The following MBNL1 variants were observed in gnomAD, a reference collection of about 807,000 sequenced individuals.
MBNL1 encodes muscleblind like splicing regulator 1.
A neutral mutation model predicts 42.2 loss-of-function variants in MBNL1; 8 were observed. The ratio of observed to expected loss-of-function variants is 0.19; its 90% confidence interval spans 0.11 to 0.34. MBNL1 has a LOEUF of 0.34. MBNL1 is among the 10% of genes least tolerant of loss of function. MBNL1 has a pLI of 1.00. For synonymous variants in MBNL1, 169 were observed against 173.9 expected (o/e 0.97, Z 0.22); for missense variants, 309 against 495.3 (o/e 0.62, Z 3.57).
intron 2 of MBNL1, among the ~76,000 whole-genome samples, chr3:152,374,466 T>A (rs1051704948): frequency 1.3e-5 from 2 of 152,214 alleles, no homozygotes; most frequent in African/African-American, 4.8e-5. Flanking sequence ...TTCCCAGCTC[T>A]ATTATAAATC....
intron 2 of MBNL1, among the ~76,000 whole-genome samples, chr3:152,252,130 A>ACCTTCCTTCCTTCCTT (rs1284365010): frequency 2.8e-5 from 3 of 107,782 alleles, no homozygotes; most frequent in Non-Finnish European, 6.3e-5. Context: ...GAACAAACTA[A>ACCTTCCTTCCTTCCTT]CCTACCTTCC....
At chr3:152,300,440 C>A in intron 2 of MBNL1, 73 bp downstream of exon 2, 1 of 1,235,894 alleles carries the variant, frequency 8.1e-7, no homozygotes, top group Non-Finnish European at 1.2e-6. Context: ...CAGTTCTCTG[C>A]ATATGGGATT....
At chr3:152,336,697 A>T (rs1262375416) in intron 2 of MBNL1, among the ~76,000 whole-genome samples, 2 of 152,238 alleles carry the variant, frequency 1.3e-5, no homozygotes, top group African/African-American at 4.8e-5. Flanking sequence ...ATCAGACAGA[A>T]GTAAACCTTG....
intron 2 of MBNL1, among the ~76,000 whole-genome samples, chr3:152,404,446 G>A (rs746654105): frequency 9.9e-5 from 15 of 152,080 alleles, no homozygotes; most frequent in Admixed American, 2.0e-4. Flanking sequence ...TATCACTTTA[G>A]AGATACTTTA....
chr3:152,427,916 C>G (rs1214554268), intron 3 of MBNL1, among the ~76,000 whole-genome samples: 1 of 151,526 alleles, frequency 6.6e-6, no homozygotes, highest in Non-Finnish European at 1.5e-5. Context: ...TATACTCCCT[C>G]TATTTTTTTT....
chr3:152,419,409 G>C (rs944931847), intron 3 of MBNL1, among the ~76,000 whole-genome samples: 1 of 152,132 alleles, frequency 6.6e-6, no homozygotes, highest in Admixed American at 6.5e-5. Flanking sequence ...TAGACAGTTG[G>C]TGCAGCCCAC....
At chr3:152,426,328 T>C (rs972250802) in intron 3 of MBNL1, among the ~76,000 whole-genome samples, 1 of 152,174 alleles carries the variant, frequency 6.6e-6, no homozygotes, top group Non-Finnish European at 1.5e-5. Context: ...GTTCTGCACA[T>C]GTATCCCAGA....
Position 152,299,936 on chromosome 3 carries a change from T to C in MBNL1, c.-258T>C, listed in dbSNP as rs533136549. The C allele has an allele frequency of 1.1e-5, 5 of 461,944 alleles. No homozygotes were observed. In the Admixed American group the frequency reaches 2.0e-4, roughly 19 times the overall value. 28.6% of individuals were successfully genotyped at this position (461,944 alleles called of 1,614,324 possible). The stretch of plus-strand genomic sequence containing the variant: ...CCCTACTTTTAAACGTTCATCTACT[T>C]ACAATCCTAGTATTTCTCTAAAAAC... On this transcript the variant is annotated 5_prime_UTR_variant, in exon 2 of 10. Coordinates refer to ENST00000324210, the MANE Select transcript of MBNL1 (RefSeq NM_021038.5).
chr3:152,259,467 GTGA>G (rs2035917737), intron 2 of MBNL1, among the ~76,000 whole-genome samples: 1 of 152,152 alleles, frequency 6.6e-6, no homozygotes, highest in Non-Finnish European at 1.5e-5. Context: ...GACAAAACAA[GTGA>G]TAATAAAATT....
intron 2 of MBNL1, among the ~76,000 whole-genome samples, chr3:152,414,381 A>G (rs1316126293): frequency 6.6e-6 from 1 of 152,134 alleles, no homozygotes; most frequent in South Asian, 2.1e-4. Context: ...AACACATGGG[A>G]GTTTTCTTCT....
chr3:152,338,630 G>A (rs2092058080), intron 2 of MBNL1: 1 of 985,180 alleles, frequency 1.0e-6, no homozygotes, highest in Non-Finnish European at 1.2e-6. Flanking sequence ...TAGACCTCAG[G>A]AGTTTTCAAA....
chr3:152,400,692 C>T (rs2098177408), intron 2 of MBNL1, among the ~76,000 whole-genome samples: 1 of 152,106 alleles, frequency 6.6e-6, no homozygotes, highest in African/African-American at 2.4e-5. Context: ...GGATTATATG[C>T]CCAAGGGAAC....
chr3:152,361,712 G>A (rs2095973187), intron 2 of MBNL1, among the ~76,000 whole-genome samples: 1 of 152,086 alleles, frequency 6.6e-6, no homozygotes, highest in Admixed American at 6.6e-5. Flanking sequence ...AGGTTATCCT[G>A]AAAAAGATGG....
At chr3:152,316,944 C>T (rs1320304898) in intron 2 of MBNL1, among the ~76,000 whole-genome samples, 8 of 151,992 alleles carry the variant, frequency 5.3e-5, no homozygotes, top group Non-Finnish European at 1.2e-4. Context: ...GATAAAATAA[C>T]CTTCTCACCT....
intron 2 of MBNL1, among the ~76,000 whole-genome samples, chr3:152,410,233 A>G (rs1216407982): frequency 6.6e-6 from 1 of 152,156 alleles, no homozygotes; most frequent in Non-Finnish European, 1.5e-5. Flanking sequence ...CTAAATGTAT[A>G]TTTTCCCTTA....
intron 1 of MBNL1, among the ~76,000 whole-genome samples, chr3:152,278,716 T>C (rs745750649): frequency 3.3e-5 from 5 of 152,178 alleles, no homozygotes; most frequent in Admixed American, 6.6e-5. Flanking sequence ...CCTTAAAACA[T>C]TACTTTGCCA....
chr3:152,447,443 CTTTT>C (rs759856709), intron 5 of MBNL1, among the ~76,000 whole-genome samples, 173 bp from the exon 6 acceptor site: 15 of 133,774 alleles, frequency 1.1e-4, no homozygotes, highest in African/African-American at 2.5e-4. Context: ...TTTTATCTTG[CTTTT>C]TTTTTTTTTT....
intron 1 of MBNL1, among the ~76,000 whole-genome samples, chr3:152,286,704 G>A (rs977217229): frequency 5.3e-5 from 8 of 151,328 alleles, no homozygotes; most frequent in Non-Finnish European, 8.8e-5. Flanking sequence ...AATCTGTAAA[G>A]CATTTTATTT....
Position 152,340,916 on chromosome 3 carries a change from A to G in MBNL1, c.174+40549A>G, listed in dbSNP as rs1006630196. On this transcript the variant is annotated intron_variant, in intron 2 of 9. Coordinates refer to ENST00000324210, the MANE Select transcript of MBNL1 (RefSeq NM_021038.5). Reference sequence around the variant, plus strand: ...GGGTCCATCTGCATTGTTCTCTTCTAATTCTCTCCAGACAGGAGACTGCAG... The same window carrying G: ...GGGTCCATCTGCATTGTTCTCTTCTGATTCTCTCCAGACAGGAGACTGCAG... 6.9e-6 allele frequency: 11 copies of G among 1,591,786 alleles called. No individual in the cohort carries two copies. In the African/African-American group the frequency reaches 1.2e-4, roughly 18 times the overall value.
Sources: allele counts gnomAD v4.1 joint callset (sites outside exome capture counted in the v4.1 genomes callset), GRCh38; gene constraint gnomAD v4.1.1; transcripts MANE v1.5; gene names NCBI Gene and HGNC (gene_info 2026-07-23, HGNC 2026-07-21).